Variants in FAM135A observed in about 807,000 individuals in gnomAD.
The protein encoded by FAM135A is protein FAM135A.
In FAM135A, 79 loss-of-function variants were observed where a neutral mutation model predicts 146.8. The ratio of observed to expected loss-of-function variants is 0.54; its 90% CI spans 0.45 to 0.65. The LOEUF (loss-of-function observed/expected upper bound fraction) is 0.65. FAM135A is among the 30% of genes least tolerant of loss of function. The pLI, the probability that FAM135A is intolerant of heterozygous loss-of-function variation, is 0.00. For synonymous variants in FAM135A, 562 were observed against 603.6 expected (o/e 0.93, Z 1.01); for missense variants, 1,623 against 1,758.2 (o/e 0.92, Z 1.38).
intron 15 of FAM135A, among the ~76,000 whole-genome samples, chr6:70,527,977 T>C (rs780086093): frequency 1.3e-5 from 2 of 152,210 alleles, no homozygotes; most frequent in Non-Finnish European, 2.9e-5. Context: ...CCAGCTTTTC[T>C]GTGCATACAG....
intron 8 of FAM135A, among the ~76,000 whole-genome samples, chr6:70,480,053 T>G (rs1381678935): frequency 6.6e-6 from 1 of 152,194 alleles, no homozygotes; most frequent in Non-Finnish European, 1.5e-5. Flanking sequence ...ATTTTTCTTT[T>G]CTGTCTTTTC....
chr6:70,497,275 A>G (rs904883855), intron 11 of FAM135A, among the ~76,000 whole-genome samples: 4 of 152,030 alleles, frequency 2.6e-5, no homozygotes, highest in Admixed American at 6.6e-5. Context: ...GTGAATGGGA[A>G]TTCACTCATG....
At chr6:70,522,713 A>G in intron 13 of FAM135A, 127 bp downstream of exon 13, 5 of 702,376 alleles carry the variant, frequency 7.1e-6, no homozygotes, top group Non-Finnish European at 1.1e-5. Flanking sequence ...TTTGAATTTC[A>G]GAAATCCCAT....
At chr6:70,427,212 A>G (rs1770364660) in intron 3 of FAM135A, among the ~76,000 whole-genome samples, 1 of 152,132 alleles carries the variant, frequency 6.6e-6, no homozygotes, top group Non-Finnish European at 1.5e-5. Context: ...GGATTGTTTA[A>G]TTATAACATG....
intron 11 of FAM135A, among the ~76,000 whole-genome samples, chr6:70,494,543 T>C (rs1048109155): frequency 2.0e-5 from 3 of 152,058 alleles, no homozygotes; most frequent in Non-Finnish European, 4.4e-5. Flanking sequence ...GTCTTATTCC[T>C]ACATTTATAT....
intron 2 of FAM135A, among the ~76,000 whole-genome samples, chr6:70,419,145 G>C (rs1247572919): frequency 6.6e-6 from 1 of 152,206 alleles, no homozygotes; most frequent in African/African-American, 2.4e-5. Context: ...TTTTGGCCAG[G>C]CATGGTGGCT....
At chr6:70,513,316 A>G (rs999503679) in intron 12 of FAM135A, 1 of 150,688 alleles carries the variant, frequency 6.6e-6, no homozygotes, top group Non-Finnish European at 1.5e-5. Context: ...CTCTTTTAGA[A>G]TTTGTCTAGC....
At chr6:70,501,907 G>A (rs541666986) in intron 11 of FAM135A, among the ~76,000 whole-genome samples, 7 of 152,234 alleles carry the variant, frequency 4.6e-5, no homozygotes, top group South Asian at 2.1e-4. Context: ...GTTCCTATTC[G>A]GCCATCTTTG....
chr6:70,485,271 A>T (rs1784400339), intron 10 of FAM135A, among the ~76,000 whole-genome samples: 1 of 152,138 alleles, frequency 6.6e-6, no homozygotes, highest in African/African-American at 2.4e-5. Flanking sequence ...TAAAATCAAG[A>T]TTCATCTTCA....
intron 4 of FAM135A, among the ~76,000 whole-genome samples, chr6:70,452,138 G>A (rs1777236015): frequency 6.6e-6 from 1 of 151,638 alleles, no homozygotes; most frequent in Admixed American, 6.6e-5. Flanking sequence ...TACATTATAA[G>A]TAATTATCTT....
intron 20 of FAM135A, among the ~76,000 whole-genome samples, chr6:70,543,879 C>G (rs1269975531): frequency 6.6e-6 from 1 of 151,892 alleles, no homozygotes; most frequent in Admixed American, 6.6e-5. Flanking sequence ...TTATTATTTG[C>G]CTTATAGTGC....
intron 19 of FAM135A, among the ~76,000 whole-genome samples, chr6:70,537,119 A>G (rs1430076801): frequency 6.6e-6 from 1 of 151,982 alleles, no homozygotes; most frequent in East Asian, 1.9e-4. Context: ...TATTTTTAGT[A>G]GAGACGGGGT....
At chr6:70,505,255 A>G (rs1789497153) in intron 12 of FAM135A, among the ~76,000 whole-genome samples, 1 of 152,096 alleles carries the variant, frequency 6.6e-6, no homozygotes, top group African/African-American at 2.4e-5. Context: ...TTATATTGAC[A>G]CAATATTGAT....
chr6:70,443,580 G>A (rs1262499823), intron 4 of FAM135A, among the ~76,000 whole-genome samples: 4 of 152,192 alleles, frequency 2.6e-5, no homozygotes, highest in Middle Eastern at 3.2e-3. Context: ...TGAATGAAGA[G>A]TGACTATATT....
At chr6:70,521,479 T>C (rs562445749) in intron 12 of FAM135A, among the ~76,000 whole-genome samples, 14 of 152,208 alleles carry the variant, frequency 9.2e-5, no homozygotes, top group Non-Finnish European at 1.9e-4. Context: ...TGATATCTTC[T>C]TTTCCCACTT....
intron 12 of FAM135A, among the ~76,000 whole-genome samples, chr6:70,511,789 T>C (rs978958423): frequency 6.6e-6 from 1 of 151,906 alleles, no homozygotes; most frequent in Non-Finnish European, 1.5e-5. Context: ...TAGTATAGCC[T>C]GCTACACACC....
chr6:70,539,596 C>G (rs567299814), intron 20 of FAM135A, among the ~76,000 whole-genome samples: 2 of 152,168 alleles, frequency 1.3e-5, no homozygotes, highest in Non-Finnish European at 2.9e-5. Context: ...CATTACTCCT[C>G]CACTGTTATA....
At chr6:70,493,818 C>T (rs1786597204) in intron 11 of FAM135A, among the ~76,000 whole-genome samples, 2 of 152,080 alleles carry the variant, frequency 1.3e-5, no homozygotes, top group South Asian at 4.2e-4. Flanking sequence ...TTTGGGAAGC[C>T]GAAGCGGGCG....
chr6:70,557,049 T>G lies in FAM135A; in HGVS notation c.4342+186T>G, dbSNP rs183990717. On this transcript the variant is annotated intron_variant, in intron 21 of 21. Coordinates refer to ENST00000418814, the MANE Select transcript of FAM135A (RefSeq NM_001162529.3). ...CTGCCACGTGAACTGCCTTTACCAA[T>G]GAAGTAATACTTTCATCTAATTACA... 9 of 592,780 alleles carry G rather than the reference T, an allele frequency of 1.5e-5. No individual in the cohort carries two copies. The East Asian group carries it at 1.7e-4, about 11-fold the overall frequency. 36.7% of individuals were successfully genotyped at this position (592,780 alleles called of 1,614,324 possible). A position where few individuals can be genotyped will look rare whatever the true frequency, so the allele number is the denominator to read the frequency against.
Sources: gnomAD v4.1 joint callset for allele counts (sites outside exome capture counted in the v4.1 genomes callset) on GRCh38, gnomAD v4.1.1 for gene constraint, MANE v1.5 for transcripts, NCBI Gene and HGNC (gene_info 2026-07-23, HGNC 2026-07-21) for gene names.